Variants in ESR1 observed in about 807,000 individuals in gnomAD.
ESR1 encodes the protein estrogen receptor.
ESR1 carries 12 observed loss-of-function variants against 52.7 expected under a neutral mutation model. The observed-to-expected ratio is 0.23, with a 90% CI of 0.15 to 0.37. The LOEUF (loss-of-function observed/expected upper bound fraction) is 0.37. ESR1 is among the 10% of genes least tolerant of loss of function. The probability of loss-of-function intolerance (pLI) is 1.00; values close to 1 mark genes in which losing one functional copy is unlikely to be tolerated. For synonymous variants in ESR1, 305 were observed against 316.8 expected (o/e 0.96, Z 0.39); for missense variants, 584 against 779.7 (o/e 0.75, Z 2.99).
intron 2 of ESR1, among the ~76,000 whole-genome samples, chr6:151,732,935 C>T (rs1023898049): frequency 6.6e-6 from 1 of 152,136 alleles, no homozygotes; most frequent in African/African-American, 2.4e-5. Flanking sequence ...GTCCACATAC[C>T]CTGTGCTCCA....
intron 1 of ESR1, among the ~76,000 whole-genome samples, chr6:151,831,064 A>G (rs139121973): frequency 1.3e-5 from 2 of 152,236 alleles, no homozygotes; most frequent in African/African-American, 2.4e-5. Context: ...TAACGTTTGC[A>G]TTATAAATTA....
At chr6:151,726,340 T>TG (rs201481833) in intron 2 of ESR1, among the ~76,000 whole-genome samples, 3 of 152,032 alleles carry the variant, frequency 2.0e-5, no homozygotes, top group Non-Finnish European at 4.4e-5. Context: ...GATTTTCTTT[T>TG]TTTTTTTTTG....
intron 5 of ESR1, among the ~76,000 whole-genome samples, chr6:152,047,247 G>A (rs960815474): frequency 4.6e-5 from 7 of 151,174 alleles, no homozygotes; most frequent in Admixed American, 6.6e-5. Flanking sequence ...TGGAAAGTAA[G>A]GGACCTTCAC....
At position 151,813,769 on chromosome 6, in the gene ESR1, T is replaced by A. The variant is rs1325583321; in HGVS notation, c.452+5405T>A. Among the ~76,000 whole-genome samples, 8 of 152,168 alleles carry A rather than the reference T, an allele frequency of 5.3e-5. No homozygotes were observed. The East Asian group carries it at 1.5e-3, about 29-fold the overall frequency. ...AGTAGACTTCTTTGTTTGGTAATGT[T>A]CTATTTTTTGGAGATCCTATGAGTT... On this transcript the variant is annotated intron_variant, in intron 1 of 7. Coordinates refer to ENST00000206249, the MANE Select transcript of ESR1 (RefSeq NM_000125.4).
At chr6:151,901,093 ACT>A (rs1370577068) in intron 3 of ESR1, among the ~76,000 whole-genome samples, 1 of 151,440 alleles carries the variant, frequency 6.6e-6, no homozygotes, top group Non-Finnish European at 1.5e-5. Context: ...CTGAGCTCAG[ACT>A]CTCCTCGGGT....
At chr6:151,993,206 G>A (rs1409977440) in intron 4 of ESR1, among the ~76,000 whole-genome samples, 1 of 152,072 alleles carries the variant, frequency 6.6e-6, no homozygotes, top group East Asian at 1.9e-4. Context: ...ATACAAAGTT[G>A]TCCTGGGCAA....
intron 4 of ESR1, among the ~76,000 whole-genome samples, chr6:152,004,962 A>G (rs2042220589): frequency 6.6e-6 from 1 of 151,922 alleles, no homozygotes; most frequent in African/African-American, 2.4e-5. Flanking sequence ...TCTCAAATGA[A>G]TTCAGTTTTT....
At chr6:151,913,470 T>G (rs1457161343) in intron 3 of ESR1, among the ~76,000 whole-genome samples, 1 of 152,214 alleles carries the variant, frequency 6.6e-6, no homozygotes, top group African/African-American at 2.4e-5. Flanking sequence ...TCCTGTTAAA[T>G]GTCACCCCAT....
At chr6:152,009,434 G>GTCT (rs1163836514) in intron 4 of ESR1, among the ~76,000 whole-genome samples, 1 of 152,110 alleles carries the variant, frequency 6.6e-6, no homozygotes, top group East Asian at 1.9e-4. Context: ...TTTGAATACA[G>GTCT]TATAGCAAAA....
In ESR1 at chr6:151,763,074, T is replaced by A. The variant is rs373524511; in HGVS notation, c.-70-44769T>A. The stretch of plus-strand genomic sequence containing the variant: ...ACATAAAGTAAATATATAAAATTAA[T>A]ATGTTAAAATGTTTACTGAAAGTTT... On this transcript the variant is annotated intron_variant, in intron 2 of 2. Coordinates refer to the ESR1 transcript ENST00000404742. Among the ~76,000 whole-genome samples, 35 of 152,080 alleles carry A rather than the reference T, an allele frequency of 2.3e-4. No individual in the cohort carries two copies. In the South Asian group the frequency reaches 7.3e-3, roughly 32 times the overall value.
intron 1 of ESR1, among the ~76,000 whole-genome samples, chr6:151,667,290 G>A (rs1283973179): frequency 1.3e-5 from 2 of 152,122 alleles, no homozygotes; most frequent in Middle Eastern, 3.2e-3. Flanking sequence ...TTTCCCACTA[G>A]ACAGTCAATG....
chr6:151,846,219 C>T (rs551710645), intron 2 of ESR1, among the ~76,000 whole-genome samples: 1 of 152,140 alleles, frequency 6.6e-6, no homozygotes, highest in Non-Finnish European at 1.5e-5. Context: ...TAATATTTAA[C>T]AAAATTAATG....
At chr6:151,691,713 A>G (rs1778960413) in intron 1 of ESR1, among the ~76,000 whole-genome samples, 1 of 46,530 alleles carries the variant, frequency 2.1e-5, no homozygotes, top group African/African-American at 1.1e-4. Flanking sequence ...GAGAGTAAAC[A>G]GGAAGACCAG....
chr6:151,864,278 G>T (rs1049568946), intron 2 of ESR1, among the ~76,000 whole-genome samples: 3 of 152,144 alleles, frequency 2.0e-5, no homozygotes, highest in African/African-American at 7.2e-5. Context: ...GTGGGTGAAG[G>T]ATATGAACAG....
intron 2 of ESR1, among the ~76,000 whole-genome samples, chr6:151,710,464 C>G (rs971722694): frequency 2.0e-5 from 3 of 152,056 alleles, no homozygotes; most frequent in African/African-American, 7.2e-5. Context: ...AGCAACGTAG[C>G]TCCAAAATAT....
intron 6 of ESR1, among the ~76,000 whole-genome samples, chr6:152,108,464 T>G (rs1276536559): frequency 1.3e-5 from 2 of 152,230 alleles, no homozygotes; most frequent in Admixed American, 1.3e-4. Context: ...AATAGTTGTT[T>G]TTGTCAATTT....
chr6:151,959,703 T>TC (rs397938454), intron 4 of ESR1, among the ~76,000 whole-genome samples: 4 of 152,030 alleles, frequency 2.6e-5, no homozygotes, highest in African/African-American at 9.7e-5. Context: ...CTTTTTTTTT[T>TC]AATTAGAAAA....
chr6:151,915,847 TTC>T lies in ESR1; in HGVS notation c.761-28304_761-28303del, dbSNP rs10549103. On this transcript the variant is annotated intron_variant, in intron 3 of 7. Transcript: ENST00000206249. Reference sequence around the variant, plus strand: ...TTTGACTGGAGGCTCCTTTCTCTCTTTCTCTCTCTCTCTCTCTCTCTCTATAG... The same window carrying T: ...TTTGACTGGAGGCTCCTTTCTCTCTTTCTCTCTCTCTCTCTCTCTCTATAG... Among the ~76,000 whole-genome samples, 1,089 of 148,190 alleles carry T rather than the reference TTC, an allele frequency of 7.3e-3. 8 individuals carry two copies. Among genetic ancestry groups the T allele is most frequent in the African/African-American group, 0.021 (877 of 40,864 alleles).
At chr6:151,895,134 T>A (rs11753148) in intron 3 of ESR1, among the ~76,000 whole-genome samples, 13 of 9,444 alleles carry the variant, frequency 1.4e-3, no homozygotes, top group Non-Finnish European at 2.2e-3. Flanking sequence ...TTTTTTTTGG[T>A]TTTTTTTTTT....
Sources: allele counts gnomAD v4.1 joint callset (sites outside exome capture counted in the v4.1 genomes callset), GRCh38; gene constraint gnomAD v4.1.1; transcripts MANE v1.5; gene names NCBI Gene and HGNC (gene_info 2026-07-23, HGNC 2026-07-21).